PTMA: variants seen among roughly 807,000 people sequenced by gnomAD.
PTMA encodes gene sequence 28.
Under a neutral mutation model 16.9 loss-of-function variants are expected in PTMA, and 4 were observed. The ratio of observed to expected loss-of-function variants is 0.24; its 90% CI spans 0.12 to 0.54. PTMA has a LOEUF of 0.54. PTMA is among the 20% of genes least tolerant of loss of function. The pLI is 0.95. For missense variants in PTMA, 120 were observed against 137.7 expected (o/e 0.87, Z 0.64); for synonymous variants, 58 against 47.9 (o/e 1.21, Z -0.87).
intron 1 of PTMA, 150 bp downstream of exon 1, chr2:231,708,901 A>C (rs943466466): frequency 3.0e-6 from 3 of 1,004,786 alleles, no homozygotes; most frequent in South Asian, 1.6e-5. Flanking sequence ...CAGGCAGCCC[A>C]CTCTTTGTGT....
Position 231,708,730 on chromosome 2 carries a change from C to G in PTMA, c.24C>G (p.Thr8=). Reference sequence around the variant, plus strand: ...CCATGTCAGACGCAGCCGTAGACACCAGCTCCGAAATCACCACCAAGGTGA... The same window carrying G: ...CCATGTCAGACGCAGCCGTAGACACGAGCTCCGAAATCACCACCAAGGTGA... MSDAAVD[T]SSEITTKDLK... The change falls in exon 1 of 5, where the codon ACC becomes ACG. Residue 8 remains threonine, a synonymous_variant. Transcript: ENST00000409115. 1.2e-6 allele frequency: 2 copies of G among 1,603,754 alleles called. No homozygotes were observed. Among genetic ancestry groups the G allele is most frequent in the African/African-American group, 1.3e-5 (1 of 75,046 alleles).
At position 231,712,917 on chromosome 2, in the gene PTMA, C is replaced by G; in HGVS notation, c.*66C>G. ...GCCGTGACCTATTCACCCTCCACTTCCCGTCTCAGAATCTAAACGTGGTCA... is the reference window on the plus strand; with the variant it reads ...GCCGTGACCTATTCACCCTCCACTTGCCGTCTCAGAATCTAAACGTGGTCA... On this transcript the variant is annotated 3_prime_UTR_variant, in exon 5 of 5. Coordinates refer to ENST00000409115, the MANE Select transcript of PTMA (RefSeq NM_002823.5). 2.0e-6 allele frequency: 3 copies of G among 1,486,524 alleles called. No individual in the cohort carries two copies. The highest frequency in any genetic ancestry group is 2.7e-6 in the Non-Finnish European group (3 of 1,103,034). 92.1% of individuals were successfully genotyped at this position (1,486,524 alleles called of 1,614,324 possible). A position where few individuals can be genotyped will look rare whatever the true frequency, so the allele number is the denominator to read the frequency against.
At position 231,712,921 on chromosome 2, in the gene PTMA, T is replaced by G. The variant is rs11558923; in HGVS notation, c.*70T>G. On this transcript the variant is annotated 3_prime_UTR_variant, in exon 5 of 5. Coordinates refer to ENST00000409115, the MANE Select transcript of PTMA (RefSeq NM_002823.5). ...TGACCTATTCACCCTCCACTTCCCG[T>G]CTCAGAATCTAAACGTGGTCACCTT... The G allele has an allele frequency of 1.0e-5, 15 of 1,477,456 alleles. No individual in the cohort carries two copies. The highest frequency in any genetic ancestry group is 2.4e-4 in the Middle Eastern group (1 of 4,146). The allele number at this position is 1,477,456 out of a possible 1,614,324, so 91.5% of individuals were successfully genotyped here. A position where few individuals can be genotyped will look rare whatever the true frequency, so the allele number is the denominator to read the frequency against.
chr2:231,709,061 G>A (rs1341381455), intron 1 of PTMA, among the ~76,000 whole-genome samples: 1 of 152,180 alleles, frequency 6.6e-6, no homozygotes, highest in African/African-American at 2.4e-5. Flanking sequence ...GCGGCGGGAG[G>A]AGAAGAGCCT....
chr2:231,708,839 C>T (rs529488488), intron 1 of PTMA, 88 bp downstream of exon 1: 4 of 1,464,416 alleles, frequency 2.7e-6, no homozygotes, highest in Admixed American at 4.0e-5. Context: ...TGTCTCAAGC[C>T]CGCTGTTGCT....
At chr2:231,712,225 A>G (rs995821750) in intron 3 of PTMA, among the ~76,000 whole-genome samples, 3 of 152,164 alleles carry the variant, frequency 2.0e-5, no homozygotes, top group African/African-American at 7.2e-5. Flanking sequence ...TCTGAAAGCC[A>G]CTGATCTATT....
At chr2:231,711,859 G>A (rs10175813) in intron 2 of PTMA, 31 bp from the exon 3 acceptor site, 19,087 of 1,610,914 alleles carry the variant, frequency 0.012, 552 homozygotes, top group African/African-American at 0.11. Context: ...GGGCCAGCTG[G>A]TAATGACATG....
In PTMA at chr2:231,711,564, C is replaced by T. The variant is rs1190785519; in HGVS notation, c.117+145C>T. 1.0e-5 allele frequency: 8 copies of T among 803,922 alleles called. No homozygotes were observed. The East Asian group carries it at 1.3e-4, about 13-fold the overall frequency. 49.8% of individuals were successfully genotyped at this position (803,922 alleles called of 1,614,324 possible). A position where few individuals can be genotyped will look rare whatever the true frequency, so the allele number is the denominator to read the frequency against. ...GCAGTATCGTAGCCAATGAGCTTTA[C>T]CCGAGGCGCGATTATTGCTAGTTAA... On this transcript the variant is annotated intron_variant, in intron 2 of 4. Transcript: ENST00000409115.
intron 2 of PTMA, chr2:231,711,620 G>C (rs2048519796): frequency 4.1e-6 from 3 of 739,604 alleles, no homozygotes; most frequent in Non-Finnish European, 4.3e-6. Flanking sequence ...AGCAGCGCCT[G>C]AACAAGAATA....
intron 1 of PTMA, chr2:231,710,256 C>A: frequency 7.5e-7 from 1 of 1,336,568 alleles, no homozygotes. Context: ...GCGCGACCCG[C>A]GCGCGTGCCA....
chr2:231,709,244 G>C (rs1033025030), intron 1 of PTMA, among the ~76,000 whole-genome samples: 1 of 152,208 alleles, frequency 6.6e-6, no homozygotes, highest in African/African-American at 2.4e-5. Flanking sequence ...GCGGTTTCGC[G>C]CCCTGCAGCG....
In PTMA at chr2:231,713,547, C is replaced by T. The variant is rs528310965; in HGVS notation, c.*696C>T. On this transcript the variant is annotated 3_prime_UTR_variant, in exon 5 of 5. Coordinates refer to ENST00000409115, the MANE Select transcript of PTMA (RefSeq NM_002823.5). ...TGCTGAGTTGTTCTAACAAAGCTGT[C>T]TCAAGCCTGGTTTTTCTGTTTCAGT... 11 of 414,100 alleles carry T rather than the reference C, an allele frequency of 2.7e-5. No individual in the cohort carries two copies. The highest frequency in any genetic ancestry group is 1.3e-4 in the South Asian group (7 of 52,138). 25.7% of individuals were successfully genotyped at this position (414,100 alleles called of 1,614,324 possible).
chr2:231,710,938 A>G lies in PTMA; in HGVS notation c.46-410A>G, dbSNP rs553509583. On this transcript the variant is annotated intron_variant, in intron 1 of 4. Transcript: ENST00000409115. Reference sequence around the variant, plus strand: ...TCTTTGCCTTATTTATTTTTGGAACATAACCTGCCGCCTTTCTAGACGGCT... The same window carrying G: ...TCTTTGCCTTATTTATTTTTGGAACGTAACCTGCCGCCTTTCTAGACGGCT... Among the ~76,000 whole-genome samples, 1,068 of 152,324 alleles carry G rather than the reference A, an allele frequency of 7.0e-3. 15 individuals carry two copies. Among genetic ancestry groups the G allele is most frequent in the African/African-American group, 0.025 (1,021 of 41,568 alleles).
chr2:231,711,735 G>T, intron 2 of PTMA, 155 bp from the exon 3 acceptor site: 1 of 1,345,550 alleles, frequency 7.4e-7, no homozygotes, highest in East Asian at 2.4e-5. Context: ...GGAGCCTGGA[G>T]GGTGTTGACT....
At chr2:231,710,663 G>C (rs1250688889) in intron 1 of PTMA, 1 of 440,026 alleles carries the variant, frequency 2.3e-6, no homozygotes, top group South Asian at 1.6e-5. Context: ...CCCGGGCGGA[G>C]TCCCACCCCC....
At chr2:231,712,643 C>T (rs2048533247) in intron 4 of PTMA, 127 bp downstream of exon 4, 3 of 1,316,270 alleles carry the variant, frequency 2.3e-6, no homozygotes, top group South Asian at 2.5e-5. Flanking sequence ...GGTCCTGAAT[C>T]TTAAGAACAG....
Position 231,711,878 on chromosome 2 carries a change from T to C in PTMA, c.118-12T>C. The stretch of plus-strand genomic sequence containing the variant: ...CAGCTGGTAATGACATGGCCTGTTT[T>C]CTGTCGAGGAGAATGAGGAAAATGG... On this transcript the variant is annotated splice_polypyrimidine_tract_variant and intron_variant, in intron 2 of 4. Transcript: ENST00000409115. 1 of 1,612,506 alleles carries C rather than the reference T, an allele frequency of 6.2e-7. No homozygotes were observed. Among genetic ancestry groups the C allele is most frequent in the Non-Finnish European group, 8.5e-7 (1 of 1,179,722 alleles).
chr2:231,709,023 C>G (rs2048478824), intron 1 of PTMA, among the ~76,000 whole-genome samples: 1 of 152,156 alleles, frequency 6.6e-6, no homozygotes, highest in Non-Finnish European at 1.5e-5. Flanking sequence ...TCACGGCCCT[C>G]GAAACTCGTC....
chr2:231,713,174 A>T lies in PTMA; in HGVS notation c.*323A>T. On this transcript the variant is annotated 3_prime_UTR_variant, in exon 5 of 5. Coordinates refer to ENST00000409115, the MANE Select transcript of PTMA (RefSeq NM_002823.5). ...ATATTGTTAGGGTCAGCCATTTTTA[A>T]TGATCTCGGATGACCAAACCAGCCT... 1 of 454,942 alleles carries T rather than the reference A, an allele frequency of 2.2e-6. No homozygotes were observed. The highest frequency in any genetic ancestry group is 4.4e-6 in the Non-Finnish European group (1 of 229,174). The allele number at this position is 454,942 out of a possible 1,614,324, so 28.2% of individuals were successfully genotyped here. A position where few individuals can be genotyped will look rare whatever the true frequency, so the allele number is the denominator to read the frequency against.
Sources: allele counts gnomAD v4.1 joint callset (sites outside exome capture counted in the v4.1 genomes callset), GRCh38; gene constraint gnomAD v4.1.1; transcripts MANE v1.5; gene names NCBI Gene and HGNC (gene_info 2026-07-23, HGNC 2026-07-21).